Variants in TPD52 observed in about 807,000 individuals in gnomAD.
The protein encoded by TPD52 is prostate and colon associated protein.
TPD52 carries 17 observed loss-of-function variants against 31.3 expected under a neutral mutation model. The ratio of observed to expected loss-of-function variants is 0.54; its 90% confidence interval spans 0.37 to 0.82. The LOEUF (loss-of-function observed/expected upper bound fraction) is 0.82. TPD52 is among the 40% of genes least tolerant of loss of function. TPD52 has a pLI of 0.00. For synonymous variants in TPD52, 83 were observed against 89.6 expected (o/e 0.93, Z 0.42); for missense variants, 212 against 240.1 (o/e 0.88, Z 0.77).
intron 2 of TPD52, among the ~76,000 whole-genome samples, chr8:80,059,808 C>T (rs570017484): frequency 8.6e-5 from 13 of 151,888 alleles, no homozygotes; most frequent in Admixed American, 1.3e-4. Context: ...GAGACGAGAT[C>T]GCACCATTGC....
rs1158060519 is a variant in TPD52 at position 80,097,416 on chromosome 8, C to T, written c.20-32823G>A. On this transcript the variant is annotated intron_variant, in intron 1 of 7. Coordinates refer to ENST00000518937, the MANE Select transcript of TPD52 (RefSeq NM_001025253.3). Reference sequence around the variant, plus strand: ...TTTAGATCTGTGTTCCCATCCAAATCTCATGTCAAATTGTAATCCCCAGTG... The same window carrying T: ...TTTAGATCTGTGTTCCCATCCAAATTTCATGTCAAATTGTAATCCCCAGTG... 2.0e-4 allele frequency among the ~76,000 whole-genome samples: 30 copies of T among 152,224 alleles called. 1 individual carries two copies. Among genetic ancestry groups the T allele is most frequent in the Admixed American group, 2.0e-3 (30 of 15,280 alleles).
At chr8:80,071,334 C>CA (rs140181025) in intron 1 of TPD52, among the ~76,000 whole-genome samples, 1 of 152,066 alleles carries the variant, frequency 6.6e-6, no homozygotes, top group Non-Finnish European at 1.5e-5. Context: ...CCCTTACCTG[C>CA]AAAAAATGGG....
chr8:80,120,051 A>G (rs1014081680), intron 1 of TPD52, among the ~76,000 whole-genome samples: 1 of 152,238 alleles, frequency 6.6e-6, no homozygotes, highest in Non-Finnish European at 1.5e-5. Context: ...ATGATAGAAT[A>G]GCACAAGTTA....
intron 5 of TPD52, among the ~76,000 whole-genome samples, chr8:80,045,024 T>C (rs560594663): frequency 2.6e-4 from 39 of 152,340 alleles, no homozygotes; most frequent in Non-Finnish European, 5.0e-4. Flanking sequence ...TGGAGAATGA[T>C]TGTGATATAT....
chr8:80,113,610 G>C (rs1420130435), intron 1 of TPD52, among the ~76,000 whole-genome samples: 1 of 152,124 alleles, frequency 6.6e-6, no homozygotes, highest in Non-Finnish European at 1.5e-5. Context: ...AAAAAAGAAT[G>C]AAATCCTGTC....
chr8:80,169,846 C>T (rs1563677392), intron 1 of TPD52, among the ~76,000 whole-genome samples: 1 of 152,146 alleles, frequency 6.6e-6, no homozygotes, highest in African/African-American at 2.4e-5. Context: ...CAAACATTTG[C>T]ATGTCTACTA....
chr8:80,031,253 A>G (rs973536476), downstream of TPD52, among the ~76,000 whole-genome samples: 4 of 152,250 alleles, frequency 2.6e-5, no homozygotes, highest in African/African-American at 7.2e-5. Flanking sequence ...TGCCTTGACT[A>G]TGGGTTTTAA....
intron 1 of TPD52, among the ~76,000 whole-genome samples, chr8:80,138,182 A>T (rs183733591): frequency 2.0e-5 from 3 of 152,162 alleles, no homozygotes; most frequent in African/African-American, 7.2e-5. Flanking sequence ...ACCTCAGGTG[A>T]TCCGCTCGCC....
At chr8:80,145,312 C>T (rs1810114345) in intron 1 of TPD52, among the ~76,000 whole-genome samples, 1 of 152,198 alleles carries the variant, frequency 6.6e-6, no homozygotes. Context: ...TAGCATGTGG[C>T]CAGAAGTGAT....
chr8:80,040,581 A>C (rs997305397), intron 7 of TPD52, among the ~76,000 whole-genome samples: 5 of 152,180 alleles, frequency 3.3e-5, no homozygotes, highest in Non-Finnish European at 5.9e-5. Flanking sequence ...ATAGAATCTA[A>C]ATATATTCAG....
chr8:80,148,367 G>A (rs899126258), intron 1 of TPD52, among the ~76,000 whole-genome samples: 1 of 145,272 alleles, frequency 6.9e-6, no homozygotes, highest in Admixed American at 6.8e-5. Context: ...CTTCCTATGT[G>A]GCCCAGGCTG....
chr8:80,168,447 T>C (rs553329907), intron 1 of TPD52, among the ~76,000 whole-genome samples: 8 of 152,244 alleles, frequency 5.3e-5, no homozygotes, highest in Non-Finnish European at 1.0e-4. Context: ...AAACTCCATG[T>C]ACATTAAAAA....
At chr8:80,059,325 T>C (rs998729344) in intron 2 of TPD52, among the ~76,000 whole-genome samples, 3 of 152,080 alleles carry the variant, frequency 2.0e-5, no homozygotes, top group African/African-American at 4.8e-5. Context: ...AAGAAATGTA[T>C]AGTTATAAAT....
At chr8:80,065,995 C>T (rs971759598) in intron 1 of TPD52, among the ~76,000 whole-genome samples, 1 of 142,582 alleles carries the variant, frequency 7.0e-6, no homozygotes, top group Non-Finnish European at 1.5e-5. Flanking sequence ...GCCTGCTCTT[C>T]CTGCCAGTGA....
intron 1 of TPD52, among the ~76,000 whole-genome samples, chr8:80,084,414 G>A (rs1231931476): frequency 6.6e-6 from 1 of 152,232 alleles, no homozygotes; most frequent in Non-Finnish European, 1.5e-5. Flanking sequence ...TGTGAGTAAT[G>A]GAAGAAAGTG....
intron 1 of TPD52, among the ~76,000 whole-genome samples, chr8:80,142,911 T>C (rs1167484559): frequency 2.6e-5 from 4 of 152,278 alleles, no homozygotes; most frequent in African/African-American, 4.8e-5. Context: ...CTCATGTGCA[T>C]GTAAGGATGC....
Position 80,089,549 on chromosome 8 carries a change from C to CA in TPD52, c.20-24957dup, listed in dbSNP as rs200951626. Among the ~76,000 whole-genome samples the CA allele has an allele frequency of 8.9e-3, 1,334 of 149,908 alleles. 20 individuals carry two copies. Among genetic ancestry groups the CA allele is most frequent in the African/African-American group, 0.031 (1,276 of 40,836 alleles). On this transcript the variant is annotated intron_variant, in intron 1 of 7. Transcript: ENST00000518937. ...AAAATGTGGGAAACCCAGAGATCGT[C>CA]AAAAAAAAATTTGAAGAGAAGAGAG...
intron 1 of TPD52, among the ~76,000 whole-genome samples, chr8:80,152,279 T>C (rs547195752): frequency 6.6e-6 from 1 of 152,118 alleles, no homozygotes; most frequent in Non-Finnish European, 1.5e-5. Flanking sequence ...AGCAGGAGGA[T>C]GAAGAAGCCA....
intron 2 of TPD52, among the ~76,000 whole-genome samples, chr8:80,054,115 G>A (rs1811632408): frequency 1.3e-5 from 2 of 152,172 alleles, no homozygotes; most frequent in Non-Finnish European, 2.9e-5. Flanking sequence ...CACCCATCAA[G>A]AGCCAGTGGA....
Sources: allele counts gnomAD v4.1 joint callset (sites outside exome capture counted in the v4.1 genomes callset), GRCh38; gene constraint gnomAD v4.1.1; transcripts MANE v1.5; gene names NCBI Gene and HGNC (gene_info 2026-07-23, HGNC 2026-07-21).